HEATR5B: variants seen among roughly 807,000 people sequenced by gnomAD.
HEATR5B encodes the protein HEAT repeat containing 5B.
In HEATR5B, 156 loss-of-function variants were observed where a neutral mutation model predicts 224.1. The observed-to-expected ratio is 0.70, with a 90% CI of 0.61 to 0.80. The LOEUF (loss-of-function observed/expected upper bound fraction) is 0.80, where lower values mean the gene tolerates loss of function less well. Ranked by LOEUF, HEATR5B falls within the 30% of genes least tolerant of loss-of-function variation. The pLI is 0.00. For synonymous variants in HEATR5B, 1,027 were observed against 893.0 expected (o/e 1.15, Z -2.68); for missense variants, 2,323 against 2,535.5 (o/e 0.92, Z 1.80).
In HEATR5B at chr2:37,041,226, A is replaced by C; in HGVS notation, c.2763T>G (p.Arg921=). ...GTCCTGAGCCTATTCCACCAACATA[A>C]CGATGCAAACAACCAAGAGCCAATG... ...GHSLALGCLH[R]YVGGIGSGQH... The change falls in exon 19 of 36, where the codon CGT becomes CGG. Residue 921 remains arginine, a synonymous_variant. Transcript: ENST00000233099. The C allele has an allele frequency of 6.2e-7, 1 of 1,614,156 alleles. No individual in the cohort carries two copies. The highest frequency in any genetic ancestry group is 8.5e-7 in the Non-Finnish European group (1 of 1,180,002).
rs145166300 is a variant in HEATR5B at position 37,080,150 on chromosome 2, G to A, written c.127-819C>T. ...CACCAAGAAGGCCAGTTTGGCTGCA[G>A]TGGAGTAAGAGAAAGTAGTAAGAGA... On this transcript the variant is annotated intron_variant, in intron 2 of 35. Coordinates refer to ENST00000233099, the MANE Select transcript of HEATR5B (RefSeq NM_019024.3). 8.1e-3 allele frequency among the ~76,000 whole-genome samples: 1,236 copies of A among 152,310 alleles called. 25 individuals carry two copies. Among genetic ancestry groups the A allele is most frequent in the Non-Finnish European group, 7.2e-3 (490 of 68,000 alleles).
At chr2:37,083,044 A>G (rs1332948473) in intron 2 of HEATR5B, among the ~76,000 whole-genome samples, 11 of 152,234 alleles carry the variant, frequency 7.2e-5, no homozygotes, top group Admixed American at 7.2e-4. Flanking sequence ...AAGTGACACC[A>G]GTCATATAGC....
chr2:37,061,406 G>A (rs1375037065), intron 11 of HEATR5B, among the ~76,000 whole-genome samples: 1 of 152,094 alleles, frequency 6.6e-6, no homozygotes, highest in East Asian at 1.9e-4. Context: ...GTACATATAT[G>A]CACACACTTT....
At chr2:37,059,274 T>C (rs543431601) in intron 12 of HEATR5B, among the ~76,000 whole-genome samples, 5 of 150,534 alleles carry the variant, frequency 3.3e-5, no homozygotes, top group Non-Finnish European at 7.4e-5. Context: ...TTCAGATGAC[T>C]ACAAAGAAAG....
At chr2:37,027,343 T>C (rs951995882) in intron 24 of HEATR5B, among the ~76,000 whole-genome samples, 1 of 152,194 alleles carries the variant, frequency 6.6e-6, no homozygotes, top group African/African-American at 2.4e-5. Context: ...CTGGGTCTGA[T>C]GGTCTCTTTG....
Position 37,031,441 on chromosome 2 carries a change from T to TTTTC in HEATR5B, c.3361+1187_3361+1188insGAAA, listed in dbSNP as rs1206483795. Among the ~76,000 whole-genome samples, 3 of 150,694 alleles carry TTTTC rather than the reference T, an allele frequency of 2.0e-5. No homozygotes were observed. In the East Asian group the frequency reaches 5.8e-4, roughly 29 times the overall value. The stretch of plus-strand genomic sequence containing the variant: ...TCTGTTTTTCTTTTCTTTCTTTTTT[T>TTTTC]TTTTTTTTTTAAAGAGACAGGATCT... On this transcript the variant is annotated intron_variant, in intron 22 of 35. Coordinates refer to ENST00000233099, the MANE Select transcript of HEATR5B (RefSeq NM_019024.3).
At chr2:37,028,305 T>C in intron 23 of HEATR5B, 131 bp from the exon 24 acceptor site, 1 of 545,020 alleles carries the variant, frequency 1.8e-6, no homozygotes, top group Non-Finnish European at 2.9e-6. Context: ...ACAGTAAAAC[T>C]AGCAGAATTT....
intron 21 of HEATR5B, among the ~76,000 whole-genome samples, chr2:37,035,986 C>G (rs1051666337): frequency 1.1e-4 from 17 of 152,200 alleles, no homozygotes; most frequent in African/African-American, 3.9e-4. Flanking sequence ...TCTTCTCCAA[C>G]TATGCCCCAC....
chr2:37,065,416 C>A (rs1294934683), intron 9 of HEATR5B, among the ~76,000 whole-genome samples: 1 of 151,820 alleles, frequency 6.6e-6, no homozygotes, highest in East Asian at 1.9e-4. Context: ...TGGGCTTAAG[C>A]AATTCTCCTG....
chr2:37,028,774 G>C lies in HEATR5B; in HGVS notation c.3508C>G (p.His1170Asp), dbSNP rs199812373. The C allele has an allele frequency of 6.2e-7, 1 of 1,614,052 alleles. No homozygotes were observed. The highest frequency in any genetic ancestry group is 8.5e-7 in the Non-Finnish European group (1 of 1,179,978). The part of the protein sequence containing the change: ...ETDRKLCSDI[H>D]DTLGHMLSSL... Reference sequence around the variant, plus strand: ...GAAAGCATATGTCCCAAAGTGTCATGAATATCAGAACATAATTTTCGATCT... The same window carrying C: ...GAAAGCATATGTCCCAAAGTGTCATCAATATCAGAACATAATTTTCGATCT... Residue 1170 changes from histidine (H) to aspartate (D), a missense_variant, in exon 23 of 36, where the codon CAT (histidine) becomes GAT (aspartate). By Grantham distance (81) the His-to-Asp change is moderately conservative. This residue lies in a region of HEATR5B where 339 missense variants were observed against 378.4 expected (regional missense o/e 0.90). Coordinates refer to ENST00000233099, the MANE Select transcript of HEATR5B (RefSeq NM_019024.3).
intron 8 of HEATR5B, 131 bp downstream of exon 8, chr2:37,068,550 G>C (rs1310139478): frequency 2.2e-6 from 2 of 906,528 alleles, no homozygotes; most frequent in Non-Finnish European, 3.3e-6. Context: ...TCAAATAAGA[G>C]TACTCAATAA....
At chr2:36,998,189 C>T (rs1006344149) in intron 33 of HEATR5B, among the ~76,000 whole-genome samples, 1 of 151,996 alleles carries the variant, frequency 6.6e-6, no homozygotes, top group African/African-American at 2.4e-5. Context: ...TCTTTGTTTT[C>T]AGTTATTTTA....
At chr2:37,050,045 C>T (rs1396643467) in intron 17 of HEATR5B, among the ~76,000 whole-genome samples, 2 of 151,876 alleles carry the variant, frequency 1.3e-5, no homozygotes, top group Non-Finnish European at 2.9e-5. Flanking sequence ...CGCATGCCAC[C>T]CTGCTGGGCT....
At chr2:37,059,406 ATGTGTGTGTGTGTG>A (rs529487124) in intron 12 of HEATR5B, among the ~76,000 whole-genome samples, 1,778 of 100,242 alleles carry the variant, frequency 0.018, 56 homozygotes, top group Admixed American at 0.041. Flanking sequence ...ATATATGTAT[ATGTGTGTGTGTGTG>A]TGTGTGTGTG....
At chr2:37,074,052 T>C (rs1238445673) in intron 5 of HEATR5B, among the ~76,000 whole-genome samples, 1 of 152,156 alleles carries the variant, frequency 6.6e-6, no homozygotes, top group Non-Finnish European at 1.5e-5. Flanking sequence ...CCGGGTGTGG[T>C]GGCTCACGCC....
intron 33 of HEATR5B, among the ~76,000 whole-genome samples, chr2:36,999,502 A>G (rs1449669683): frequency 6.6e-6 from 1 of 151,754 alleles, no homozygotes; most frequent in East Asian, 1.9e-4. Flanking sequence ...ACATGGTGAA[A>G]CCCCGTCTCT....
At chr2:37,061,646 G>A (rs570391956) in intron 11 of HEATR5B, among the ~76,000 whole-genome samples, 6 of 152,268 alleles carry the variant, frequency 3.9e-5, no homozygotes, top group African/African-American at 1.4e-4. Context: ...CTTAGGGTAT[G>A]AAATTTTCCC....
At chr2:37,072,328 TC>T in intron 5 of HEATR5B, 47 bp from the exon 6 acceptor site, 1 of 1,360,158 alleles carries the variant, frequency 7.4e-7, no homozygotes, top group Non-Finnish European at 1.0e-6. Flanking sequence ...AACATCTGCT[TC>T]CAGAGATGGA....
chr2:37,025,673 A>G (rs1428407120), intron 24 of HEATR5B, among the ~76,000 whole-genome samples: 1 of 152,056 alleles, frequency 6.6e-6, no homozygotes, highest in Non-Finnish European at 1.5e-5. Context: ...TGTATAAAGA[A>G]AAAACCTGTG....
Sources: allele counts gnomAD v4.1 joint callset (sites outside exome capture counted in the v4.1 genomes callset), GRCh38; gene constraint gnomAD v4.1.1; regional missense constraint gnomAD v4.1.1; transcripts MANE v1.5; gene names NCBI Gene and HGNC (gene_info 2026-07-23, HGNC 2026-07-21).